The following FAT1 variants were observed in gnomAD, a reference collection of about 807,000 sequenced individuals.
FAT1 encodes FAT atypical cadherin 1.
Under a neutral mutation model 329.8 loss-of-function variants are expected in FAT1, and 171 were observed. The observed-to-expected ratio is 0.52, with a 90% CI of 0.46 to 0.59. The LOEUF is 0.59. FAT1 is among the 20% of genes least tolerant of loss of function. The probability of loss-of-function intolerance (pLI) is 0.00; values close to 1 mark genes in which losing one functional copy is unlikely to be tolerated. For synonymous variants in FAT1, 2,233 were observed against 2,228.6 expected, an observed-to-expected ratio of 1.00 and a Z score of -0.06; for missense variants, 5,672 against 5,774.4, an observed-to-expected ratio of 0.98 and a Z score of 0.57.
At chr4:186,691,357 T>C (rs973616965) in intron 2 of FAT1, among the ~76,000 whole-genome samples, 6 of 152,244 alleles carry the variant, frequency 3.9e-5, no homozygotes, top group Non-Finnish European at 7.3e-5. Flanking sequence ...CATGATCTTC[T>C]ATATACTATA....
At chr4:186,679,459 C>A (rs935490804) in intron 2 of FAT1, among the ~76,000 whole-genome samples, 1 of 149,874 alleles carries the variant, frequency 6.7e-6, no homozygotes, top group African/African-American at 2.4e-5. Flanking sequence ...GTTGGGGGAA[C>A]CCCACACATC....
chr4:186,633,592 C>CA, intron 7 of FAT1, 92 bp downstream of exon 7: 1 of 1,390,176 alleles, frequency 7.2e-7, no homozygotes, highest in Non-Finnish European at 1.0e-6. Context: ...CCTCACAGGG[C>CA]AGAATCCACC....
At chr4:186,629,748 A>G (rs757499397) in intron 7 of FAT1, among the ~76,000 whole-genome samples, 1 of 152,210 alleles carries the variant, frequency 6.6e-6, no homozygotes, top group African/African-American at 2.4e-5. Flanking sequence ...CCAAAATATC[A>G]AGGATGTTTT....
At chr4:186,637,136 GA>G (rs1740870913) in intron 4 of FAT1, among the ~76,000 whole-genome samples, 1 of 152,122 alleles carries the variant, frequency 6.6e-6, no homozygotes, top group Admixed American at 6.5e-5. Context: ...GCATGGCTAA[GA>G]AAGAAACAGC....
rs753587000 is a variant in FAT1 at position 186,706,639 on chromosome 4, G to A, written c.3189C>T (p.Ala1063=). Residue 1063 remains alanine, a synonymous_variant, in exon 2 of 27, where the codon GCC becomes GCT. Transcript: ENST00000441802. ...AGTATCGGATCTCCCCATCTCTTCT[G>A]GCGTCCTCATCATGAGCCGACACCG... is the stretch of plus-strand genomic sequence containing the variant. ...VMTVSAHDED[A]RRDGEIRYSI... is the part of the protein sequence containing the mutation. 87 of 1,613,714 alleles carry A rather than the reference G, an allele frequency of 5.4e-5. No homozygotes were observed. The highest frequency in any genetic ancestry group is 1.3e-4 in the Admixed American group (8 of 59,982).
chr4:186,673,513 A>C (rs1742823387), intron 2 of FAT1, among the ~76,000 whole-genome samples: 2 of 152,222 alleles, frequency 1.3e-5, no homozygotes, highest in South Asian at 4.1e-4. Context: ...TTCTATAATC[A>C]CATTGCCCAG....
intron 17 of FAT1, among the ~76,000 whole-genome samples, chr4:186,604,954 C>G (rs1739027509): frequency 6.6e-6 from 1 of 151,842 alleles, no homozygotes; most frequent in South Asian, 2.1e-4. Flanking sequence ...CGCGGTGGCT[C>G]ACGCCTGTCA....
chr4:186,595,726 A>G lies in FAT1; in HGVS notation c.13101T>C (p.Ser4367=), dbSNP rs1298865. 0.39 allele frequency: 623,313 copies of G among 1,613,448 alleles called. 128,044 individuals carry two copies. Among genetic ancestry groups the G allele is most frequent in the African/African-American group, 0.67 (50,306 of 74,934 alleles). ...ACGATTCGGACTGGAAGGAGCTCAG[A>G]GACTGCACTTCAGACAGGCTTTCCC... ...SARESLSEVQ[S]LSSFQSESCD... The change falls in exon 26 of 27, where the codon TCT becomes TCC. Residue 4367 remains serine, a synonymous_variant. Transcript: ENST00000441802.
intron 6 of FAT1, among the ~76,000 whole-genome samples, chr4:186,634,519 G>A (rs757116879): frequency 3.3e-5 from 5 of 151,808 alleles, no homozygotes; most frequent in Non-Finnish European, 7.4e-5. Context: ...CAACACACAC[G>A]ACGTCTTAAG....
chr4:186,606,102 A>G lies in FAT1; in HGVS notation c.10318T>C (p.Phe3440Leu). 1 of 1,613,336 alleles carries G rather than the reference A, an allele frequency of 6.2e-7. No individual in the cohort carries two copies. The highest frequency in any genetic ancestry group is 8.5e-7 in the Non-Finnish European group (1 of 1,179,816). ...VSDVNDNAPV[F>L]SRGNYSVIIQ... ...ATGACACTGTAGTTTCCCCTGGAGAAGACGGGCGCGTTGTCATTGACATCG... is the reference window on the plus strand; with the variant it reads ...ATGACACTGTAGTTTCCCCTGGAGAGGACGGGCGCGTTGTCATTGACATCG... The change falls in exon 17 of 27, where the codon TTC becomes CTC. Residue 3440 changes from phenylalanine to leucine, a missense_variant. Physicochemically the swap from Phe to Leu is conservative, Grantham distance 22. This residue lies in a region of FAT1 where 1,706 missense variants were observed against 1,859.1 expected (regional missense o/e 0.92). Transcript: ENST00000441802.
At position 186,636,670 on chromosome 4, in the gene FAT1, T is replaced by C. The variant is rs2126563199; in HGVS notation, c.3887A>G (p.Glu1296Gly). The C allele has an allele frequency of 6.2e-7, 1 of 1,613,984 alleles. No individual in the cohort carries two copies. Among genetic ancestry groups the C allele is most frequent in the Non-Finnish European group, 8.5e-7 (1 of 1,179,898 alleles). ...EISYSIEDGN[E>G]HGKFFIEPKT... ...CGGTTCGATGAAAAATTTGCCATGC[T>C]CATTCCCGTCTTCGATGCTGTAGGA... is the stretch of plus-strand genomic sequence containing the variant. Residue 1296 changes from glutamate to glycine, a missense_variant, in exon 5 of 27, where the codon GAG becomes GGG. Coordinates refer to ENST00000441802, the MANE Select transcript of FAT1 (RefSeq NM_005245.4).
chr4:186,607,593 G>C (rs2126452759), intron 16 of FAT1, among the ~76,000 whole-genome samples: 1 of 152,060 alleles, frequency 6.6e-6, no homozygotes, highest in South Asian at 2.1e-4. Context: ...TGACTGGATA[G>C]ATGGATGGGT....
intron 13 of FAT1, among the ~76,000 whole-genome samples, chr4:186,612,098 C>T (rs970907856): frequency 3.3e-5 from 5 of 150,496 alleles, no homozygotes; most frequent in African/African-American, 9.7e-5. Flanking sequence ...CGTGAGCCAC[C>T]GCACCCGGCC....
chr4:186,663,628 GA>G lies in FAT1; in HGVS notation c.3266-16del. 6.3e-7 allele frequency: 1 copy of G among 1,584,220 alleles called. No homozygotes were observed. The highest frequency in any genetic ancestry group is 2.2e-5 in the East Asian group (1 of 44,536). ...CTCTATGACACCTACAGAGAAAAAA[GA>G]AAAGCGTAAAGCAGCACATCAACGA... On this transcript the variant is annotated splice_polypyrimidine_tract_variant and intron_variant, in intron 2 of 26. Transcript: ENST00000441802.
intron 3 of FAT1, among the ~76,000 whole-genome samples, chr4:186,643,470 G>C (rs1741195501): frequency 6.6e-6 from 1 of 152,178 alleles, no homozygotes; most frequent in Non-Finnish European, 1.5e-5. Flanking sequence ...TCCAGAGAGA[G>C]GCCGTGCATG....
At position 186,708,933 on chromosome 4, in the gene FAT1, G is replaced by C. The variant is rs1219340937; in HGVS notation, c.895C>G (p.Leu299Val). The change falls in exon 2 of 27, where the codon CTT (leucine) becomes GTT (valine). Residue 299 changes from leucine to valine, a missense_variant. By Grantham distance (32) the Leu-to-Val change is conservative. Transcript: ENST00000441802. ...IASLSIVAGD[L>V]LQQFRTVRSF... The stretch of plus-strand genomic sequence containing the variant: ...CTCACTGTTCTAAACTGCTGGAGAA[G>C]GTCACCTGCCACGATGCTTAAAGAT... The C allele has an allele frequency of 1.9e-6, 3 of 1,613,854 alleles. No homozygotes were observed. Among genetic ancestry groups the C allele is most frequent in the Non-Finnish European group, 2.5e-6 (3 of 1,179,886 alleles).
chr4:186,619,558 G>A lies in FAT1; in HGVS notation c.7028C>T (p.Ser2343Leu), dbSNP rs1560940948. The A allele has an allele frequency of 1.2e-6, 2 of 1,613,918 alleles. No homozygotes were observed. The highest frequency in any genetic ancestry group is 3.3e-5 in the Admixed American group (2 of 60,026). ...FHVDSSTGLI[S>L]LLRTLDYEQS... The stretch of plus-strand genomic sequence containing the variant: ...CTCGTAATCCAGGGTTCTGAGTAGT[G>A]AGATGAGGCCAGTGCTGCTGTCTAC... Residue 2343 changes from serine (S) to leucine (L), a missense_variant, in exon 10 of 27, where the codon TCA (serine) becomes TTA (leucine). By Grantham distance (145) the Ser-to-Leu change is moderately radical. Around this residue, in one of 2 missense-constraint regions of FAT1, gnomAD observed 3,966 missense variants for 3,915.2 expected, o/e 1.01. Transcript: ENST00000441802.
rs145031403 is a variant in FAT1, at chr4:186,660,307, C to T, written c.3580+2992G>A. On this transcript the variant is annotated intron_variant, in intron 3 of 26. Coordinates refer to ENST00000441802, the MANE Select transcript of FAT1 (RefSeq NM_005245.4). Reference sequence around the variant, plus strand: ...ACTTCAGGCCCTGAGGATCACACCCCAACTTTCTGCTGAGGTGGGGGAAGA... The same window carrying T: ...ACTTCAGGCCCTGAGGATCACACCCTAACTTTCTGCTGAGGTGGGGGAAGA... Among the ~76,000 whole-genome samples, 1,316 of 152,244 alleles carry T rather than the reference C, an allele frequency of 8.6e-3. 21 individuals carry two copies. Among genetic ancestry groups the T allele is most frequent in the African/African-American group, 0.03 (1,266 of 41,544 alleles).
In FAT1 at chr4:186,621,625, C is replaced by A. The variant is rs369592206; in HGVS notation, c.4961G>T (p.Arg1654Leu). Residue 1654 changes from arginine to leucine, a missense_variant, in exon 10 of 27, where the codon CGT (arginine) becomes CTT (leucine). Physicochemically the swap from Arg to Leu is moderately radical, Grantham distance 102. This residue lies in a region of FAT1 where 3,966 missense variants were observed against 3,915.2 expected (regional missense o/e 1.01). Coordinates refer to ENST00000441802, the MANE Select transcript of FAT1 (RefSeq NM_005245.4). ...GTTGTCAGCAATTGTGACAAAGATA[C>A]GCACAGAAGTTATTTCACTCATTGG... ...SPPMSEITSV[R>L]IFVTIADNAS... 6.2e-7 allele frequency: 1 copy of A among 1,613,974 alleles called. No individual in the cohort carries two copies. The highest frequency in any genetic ancestry group is 8.5e-7 in the Non-Finnish European group (1 of 1,179,876).
Sources: allele counts gnomAD v4.1 joint callset (sites outside exome capture counted in the v4.1 genomes callset), GRCh38; gene constraint gnomAD v4.1.1; regional missense constraint gnomAD v4.1.1; transcripts MANE v1.5; gene names NCBI Gene and HGNC (gene_info 2026-07-23, HGNC 2026-07-21).